Variants in RSRC1 observed in about 807,000 individuals in gnomAD.
RSRC1 encodes serine/Arginine-related protein 53.
RSRC1 carries 39 observed loss-of-function variants against 49.1 expected under a neutral mutation model. The observed-to-expected ratio is 0.79, with a 90% confidence interval of 0.61 to 1.04. RSRC1 has a LOEUF of 1.04. Among genes scored for constraint, RSRC1 ranks in the 50% least tolerant of loss-of-function variants. RSRC1 has a pLI of 0.00. For synonymous variants in RSRC1, 143 were observed against 130.8 expected (o/e 1.09, Z -0.63); for missense variants, 388 against 402.4 (o/e 0.96, Z 0.31).
At chr3:158,439,032 A>C (rs1011328590) in intron 6 of RSRC1, among the ~76,000 whole-genome samples, 2 of 152,226 alleles carry the variant, frequency 1.3e-5, no homozygotes, top group African/African-American at 4.8e-5. Context: ...TCAAAAGAAG[A>C]CATTTATGCA....
At chr3:158,174,777 A>C (rs1467956448) in intron 3 of RSRC1, among the ~76,000 whole-genome samples, 1 of 152,096 alleles carries the variant, frequency 6.6e-6, no homozygotes, top group Non-Finnish European at 1.5e-5. Flanking sequence ...TCTAGATTGT[A>C]TCCATTTTGG....
chr3:158,242,717 GT>G (rs199953715), intron 4 of RSRC1, among the ~76,000 whole-genome samples: 1,707 of 149,740 alleles, frequency 0.011, 17 homozygotes, highest in South Asian at 0.028. Flanking sequence ...TTCTGTTTTT[GT>G]TTTTTTTTCC....
At chr3:158,316,645 T>C (rs928396655) in intron 5 of RSRC1, among the ~76,000 whole-genome samples, 7 of 151,756 alleles carry the variant, frequency 4.6e-5, no homozygotes, top group African/African-American at 7.3e-5. Context: ...GGGGTTTCAC[T>C]GTGTTAGCCA....
intron 8 of RSRC1, among the ~76,000 whole-genome samples, chr3:158,542,730 C>T (rs1713106080): frequency 6.6e-6 from 1 of 152,054 alleles, no homozygotes; most frequent in Admixed American, 6.6e-5. Flanking sequence ...TGAAAATGTT[C>T]TAAAGTTGAT....
chr3:158,118,062 G>T (rs1299592462), intron 1 of RSRC1, among the ~76,000 whole-genome samples: 2 of 152,036 alleles, frequency 1.3e-5, no homozygotes, highest in Non-Finnish European at 2.9e-5. Context: ...TGATCCTCCT[G>T]CCTCAGTCTC....
At chr3:158,285,630 A>G (rs992778911) in intron 4 of RSRC1, among the ~76,000 whole-genome samples, 22 of 151,984 alleles carry the variant, frequency 1.4e-4, no homozygotes, top group African/African-American at 4.4e-4. Flanking sequence ...TTGGATTCCT[A>G]GGTATTTTAT....
chr3:158,301,558 T>C (rs1189898694), intron 5 of RSRC1, among the ~76,000 whole-genome samples: 2 of 152,200 alleles, frequency 1.3e-5, no homozygotes, highest in Non-Finnish European at 2.9e-5. Context: ...AAGTGAGAAC[T>C]CTGACTCCTA....
chr3:158,534,129 C>T (rs1712581860), intron 7 of RSRC1, among the ~76,000 whole-genome samples: 1 of 151,552 alleles, frequency 6.6e-6, no homozygotes, highest in South Asian at 2.1e-4. Context: ...GATTATTTCT[C>T]ACAAGAGAAA....
chr3:158,513,083 T>A (rs1271268582), intron 7 of RSRC1, among the ~76,000 whole-genome samples: 1 of 143,820 alleles, frequency 7.0e-6, no homozygotes, highest in Non-Finnish European at 1.5e-5. Context: ...TGACTTCCTC[T>A]TTTCCTAATT....
chr3:158,127,472 G>C (rs917772140), intron 3 of RSRC1, among the ~76,000 whole-genome samples: 4 of 151,272 alleles, frequency 2.6e-5, no homozygotes, highest in African/African-American at 9.7e-5. Flanking sequence ...AACCTCTCTA[G>C]TGAATTTTTC....
At chr3:158,258,622 G>T (rs1300503665) in intron 4 of RSRC1, among the ~76,000 whole-genome samples, 3 of 152,050 alleles carry the variant, frequency 2.0e-5, no homozygotes, top group African/African-American at 7.2e-5. Context: ...TTATCCCTTT[G>T]AACAAACTTT....
intron 6 of RSRC1, among the ~76,000 whole-genome samples, chr3:158,376,349 A>T (rs796314251): frequency 6.6e-6 from 1 of 151,484 alleles, no homozygotes; most frequent in Non-Finnish European, 1.5e-5. Flanking sequence ...TTTTGTAGAG[A>T]CGGGGTTTCA....
At chr3:158,370,833 A>G (rs1732027971) in intron 6 of RSRC1, among the ~76,000 whole-genome samples, 1 of 151,948 alleles carries the variant, frequency 6.6e-6, no homozygotes, top group Non-Finnish European at 1.5e-5. Context: ...AAGTGGAGCT[A>G]TAACTTTATA....
intron 5 of RSRC1, among the ~76,000 whole-genome samples, chr3:158,345,843 T>C (rs1025651738): frequency 6.8e-6 from 1 of 147,752 alleles, no homozygotes; most frequent in African/African-American, 2.5e-5. Context: ...TAATAAACAA[T>C]AATATATATA....
chr3:158,128,624 A>G (rs190500743), intron 3 of RSRC1, among the ~76,000 whole-genome samples: 1 of 152,282 alleles, frequency 6.6e-6, no homozygotes, highest in East Asian at 1.9e-4. Flanking sequence ...CAGTAATCGA[A>G]AGCAGGACAT....
At chr3:158,496,146 C>G (rs1435821545) in intron 7 of RSRC1, among the ~76,000 whole-genome samples, 1 of 152,118 alleles carries the variant, frequency 6.6e-6, no homozygotes, top group African/African-American at 2.4e-5. Context: ...TAAAATATAT[C>G]TAGCGGTGCA....
chr3:158,190,545 T>G (rs1169764994), intron 3 of RSRC1, among the ~76,000 whole-genome samples: 2 of 151,452 alleles, frequency 1.3e-5, no homozygotes, highest in Non-Finnish European at 1.5e-5. Flanking sequence ...TATTTTTAAT[T>G]TAAATAAATT....
At chr3:158,384,727 A>G (rs1245881937) in intron 6 of RSRC1, among the ~76,000 whole-genome samples, 2 of 152,188 alleles carry the variant, frequency 1.3e-5, no homozygotes, top group Non-Finnish European at 2.9e-5. Context: ...ACTACAGATC[A>G]GCAGGAAATA....
intron 3 of RSRC1, among the ~76,000 whole-genome samples, chr3:158,186,194 G>A (rs1719920940): frequency 6.6e-6 from 1 of 151,954 alleles, no homozygotes; most frequent in Middle Eastern, 3.4e-3. Context: ...GTATAAAAAT[G>A]TTATGCAGTT....
Sources: gnomAD v4.1 joint callset for allele counts (sites outside exome capture counted in the v4.1 genomes callset) on GRCh38, gnomAD v4.1.1 for gene constraint, MANE v1.5 for transcripts, NCBI Gene and HGNC (gene_info 2026-07-23, HGNC 2026-07-21) for gene names.